TANC1: variants seen among roughly 807,000 people sequenced by gnomAD.
The protein encoded by TANC1 is protein TANC1.
A neutral mutation model predicts 149.7 loss-of-function variants in TANC1; 77 were observed. The ratio of observed to expected loss-of-function variants is 0.51; its 90% CI spans 0.43 to 0.62. TANC1 has a LOEUF of 0.62. Among genes scored for constraint, TANC1 ranks in the 20% least tolerant of loss-of-function variants. The pLI is 0.00. For missense variants in TANC1, 1,985 were observed against 2,321.8 expected (o/e 0.85, Z 2.98); for synonymous variants, 854 against 925.0 (o/e 0.92, Z 1.39).
chr2:159,128,600 G>A (rs911657118), intron 4 of TANC1, among the ~76,000 whole-genome samples: 1 of 152,132 alleles, frequency 6.6e-6, no homozygotes, highest in Non-Finnish European at 1.5e-5. Flanking sequence ...TCTTTGGACG[G>A]TGCCTTCTGT....
rs1384962654 is a variant in TANC1, at chr2:159,102,819, C to T, written c.259+4985C>T. Among the ~76,000 whole-genome samples the T allele has an allele frequency of 5.8e-5, 5 of 85,888 alleles. 1 individual carries two copies. The South Asian group carries it at 1.3e-3, about 23-fold the overall frequency. 56.3% of individuals were successfully genotyped at this position (85,888 alleles called of 152,430 possible). The stretch of plus-strand genomic sequence containing the variant: ...CTGCAAGCTCCGCCTCCCAGGTTCA[C>T]GCCATTCTCCTGCTTCAGCCTTCCG... On this transcript the variant is annotated intron_variant, in intron 4 of 26. Coordinates refer to ENST00000263635, the MANE Select transcript of TANC1 (RefSeq NM_033394.3).
chr2:159,162,136 G>C (rs763291463), intron 7 of TANC1, among the ~76,000 whole-genome samples: 4 of 152,204 alleles, frequency 2.6e-5, no homozygotes, highest in Non-Finnish European at 5.9e-5. Flanking sequence ...AAACCGTAAA[G>C]AATATAAACA....
intron 2 of TANC1, among the ~76,000 whole-genome samples, chr2:159,043,033 G>T (rs1471428136): frequency 1.3e-5 from 2 of 152,182 alleles, no homozygotes; most frequent in Non-Finnish European, 2.9e-5. Flanking sequence ...CTTAAGAGCA[G>T]GTGCTTCTCA....
intron 4 of TANC1, among the ~76,000 whole-genome samples, chr2:159,116,441 AC>A: frequency 9.3e-6 from 1 of 107,492 alleles, no homozygotes; most frequent in African/African-American, 3.1e-5. Flanking sequence ...AACAACAACA[AC>A]AACAACAACA....
Position 159,229,905 on chromosome 2 carries a change from A to G in TANC1, c.4479A>G (p.Glu1493=), listed in dbSNP as rs1419368520. 1 of 1,614,072 alleles carries G rather than the reference A, an allele frequency of 6.2e-7. No homozygotes were observed. The highest frequency in any genetic ancestry group is 8.5e-7 in the Non-Finnish European group (1 of 1,180,032). ...CCTCATACATCCGAAACCTTCAAGAAGGGTTACAGTCCAAAGGAAGGCCGG... is the reference window on the plus strand; with the variant it reads ...CCTCATACATCCGAAACCTTCAAGAGGGGTTACAGTCCAAAGGAAGGCCGG... The part of the protein sequence containing the change: ...VPSSYIRNLQ[E]GLQSKGRPVS... The change falls in exon 27 of 27, where the codon GAA becomes GAG. Residue 1493 remains glutamate, a synonymous_variant. Coordinates refer to ENST00000263635, the MANE Select transcript of TANC1 (RefSeq NM_033394.3).
rs111652024 is a variant in TANC1, at chr2:159,230,129, G to T, written c.4703G>T (p.Gly1568Val). The change falls in exon 27 of 27, where the codon GGG becomes GTG. Residue 1568 changes from glycine (G) to valine (V), a missense_variant. By Grantham distance (109) the Gly-to-Val change is moderately radical. Coordinates refer to ENST00000263635, the MANE Select transcript of TANC1 (RefSeq NM_033394.3). This position sits in a 1 kb window ranked among gnomAD's most constrained non-coding sequence, Gnocchi z 4.4. Reference protein sequence around the residue: ...SQNPPPSPMPGRIAATPAGSR... With the variant: ...SQNPPPSPMPVRIAATPAGSR... ...AACCCTCCTCCAAGTCCCATGCCAG[G>T]GAGAATCGCTGCCACTCCTGCTGGG... 3.1e-3 allele frequency: 4,947 copies of T among 1,614,032 alleles called. 63 individuals carry two copies. Among genetic ancestry groups the T allele is most frequent in the African/African-American group, 0.029 (2,206 of 75,046 alleles).
At chr2:159,191,798 T>C (rs1237648723) in intron 16 of TANC1, among the ~76,000 whole-genome samples, 3 of 152,198 alleles carry the variant, frequency 2.0e-5, no homozygotes, top group African/African-American at 7.2e-5. Flanking sequence ...TTTTATGCCT[T>C]GTCATCTCTC....
At chr2:159,130,080 C>G (rs925409269) in intron 4 of TANC1, among the ~76,000 whole-genome samples, 6 of 152,176 alleles carry the variant, frequency 3.9e-5, no homozygotes, top group African/African-American at 1.4e-4. Flanking sequence ...TGGAGACATG[C>G]CAGCTCCTAG....
At chr2:159,170,865 C>T in intron 10 of TANC1, 60 bp downstream of exon 10, 1 of 1,561,986 alleles carries the variant, frequency 6.4e-7, no homozygotes, top group South Asian at 1.2e-5. Context: ...GAGGAAATTG[C>T]TGTTCACATA....
intron 8 of TANC1, among the ~76,000 whole-genome samples, chr2:159,165,213 C>A (rs2054466418): frequency 6.6e-6 from 1 of 152,130 alleles, no homozygotes; most frequent in African/African-American, 2.4e-5. Context: ...GGTCTCCTGC[C>A]ATGTGAAGTG....
At chr2:159,193,638 C>CCT (rs770056900) in intron 16 of TANC1, among the ~76,000 whole-genome samples, 5 of 152,252 alleles carry the variant, frequency 3.3e-5, no homozygotes, top group Middle Eastern at 3.4e-3. Flanking sequence ...GATTCTCCTG[C>CCT]CTCAGCCTCC....
In TANC1 at chr2:159,179,074, C is replaced by A. The variant is rs761125555; in HGVS notation, c.2421C>A (p.Asp807Glu). 6.2e-7 allele frequency: 1 copy of A among 1,613,792 alleles called. No homozygotes were observed. The highest frequency in any genetic ancestry group is 8.5e-7 in the Non-Finnish European group (1 of 1,180,012). ...ALSCFLIKRR[D>E]KTRMFCHPSF... ...CCTGCTTCCTCATTAAGAGGCGAGA[C>A]AAAACCCGCATGTTCTGCCACCCGT... is the stretch of plus-strand genomic sequence containing the variant. Residue 807 changes from aspartate to glutamate, a missense_variant, in exon 14 of 27, where the codon GAC becomes GAA. Physicochemically the swap from Asp to Glu is conservative, Grantham distance 45 (BLOSUM62 2). Around this residue, in one of 3 missense-constraint regions of TANC1, gnomAD observed 508 missense variants for 714.2 expected, o/e 0.71. Coordinates refer to ENST00000263635, the MANE Select transcript of TANC1 (RefSeq NM_033394.3).
chr2:158,982,965 G>T (rs2034544537), intron 1 of TANC1, among the ~76,000 whole-genome samples: 1 of 152,066 alleles, frequency 6.6e-6, no homozygotes, highest in Non-Finnish European at 1.5e-5. Context: ...TTGTTAAATT[G>T]AAGTTTTTAA....
chr2:159,112,736 C>T (rs1055965469), intron 4 of TANC1, among the ~76,000 whole-genome samples: 15 of 151,990 alleles, frequency 9.9e-5, no homozygotes, highest in South Asian at 6.2e-4. Context: ...CCACCATGGC[C>T]GGGTAATTTT....
At position 159,174,390 on chromosome 2, in the gene TANC1, C is replaced by T. The variant is rs1051040431; in HGVS notation, c.1504-563C>T. ...TTCGGGTTTCATTCTTCAGACAGTG[C>T]CCCTGTAGAACTCCTCCACAGTGTC... On this transcript the variant is annotated intron_variant, in intron 11 of 26. Coordinates refer to ENST00000263635, the MANE Select transcript of TANC1 (RefSeq NM_033394.3). Among the ~76,000 whole-genome samples the T allele has an allele frequency of 2.9e-4, 44 of 152,046 alleles. 1 individual carries two copies. Among genetic ancestry groups the T allele is most frequent in the Non-Finnish European group, 2.9e-5 (2 of 68,008 alleles).
chr2:158,992,538 T>C (rs1024620155), intron 1 of TANC1, among the ~76,000 whole-genome samples: 1 of 152,118 alleles, frequency 6.6e-6, no homozygotes, highest in Non-Finnish European at 1.5e-5. Flanking sequence ...AGTCTTGCCC[T>C]GTCGCCCAGG....
intron 2 of TANC1, among the ~76,000 whole-genome samples, chr2:159,047,611 C>T (rs2041172900): frequency 6.6e-6 from 1 of 152,190 alleles, no homozygotes; most frequent in Non-Finnish European, 1.5e-5. Context: ...TGGTCTCCCA[C>T]CTGTGACCTG....
chr2:159,107,137 C>T (rs2047264916), intron 4 of TANC1, among the ~76,000 whole-genome samples: 1 of 152,208 alleles, frequency 6.6e-6, no homozygotes, highest in African/African-American at 2.4e-5. Flanking sequence ...AAGCGATTCT[C>T]CTGTCTCAGC....
intron 23 of TANC1, 43 bp from the exon 24 acceptor site, chr2:159,225,645 G>A (rs773987738): frequency 7.2e-6 from 11 of 1,528,354 alleles, no homozygotes; most frequent in African/African-American, 1.4e-5. Context: ...GATCCTTTCC[G>A]CAGGGCCTCT....
Sources: gnomAD v4.1 joint callset for allele counts (sites outside exome capture counted in the v4.1 genomes callset) on GRCh38, gnomAD v4.1.1 for gene constraint, gnomAD v4.1.1 regional missense constraint, Gnocchi (gnomAD v3.1) non-coding constraint, MANE v1.5 for transcripts, NCBI Gene and HGNC (gene_info 2026-07-23, HGNC 2026-07-21) for gene names.